The following VSTM4 variants were observed in gnomAD, a reference collection of about 807,000 sequenced individuals.
VSTM4 encodes V-set and transmembrane domain-containing protein 4.
In VSTM4, 20 loss-of-function variants were observed where a neutral mutation model predicts 36.4. That is an observed-to-expected ratio of 0.55 (90% CI 0.39 to 0.80). VSTM4 has a LOEUF of 0.80. VSTM4 is among the 30% of genes least tolerant of loss of function. The pLI is 0.00. For missense variants in VSTM4, 392 were observed against 404.5 expected (o/e 0.97, Z 0.26); for synonymous variants, 182 against 173.9 (o/e 1.05, Z -0.37).
intron 2 of VSTM4, among the ~76,000 whole-genome samples, chr10:49,098,638 TG>T (rs1254986504): frequency 1.3e-5 from 2 of 152,234 alleles, no homozygotes; most frequent in Non-Finnish European, 2.9e-5. Flanking sequence ...TGGCATGAGC[TG>T]CAGTGCCTGT....
At chr10:49,067,487 T>C (rs56027486) in intron 4 of VSTM4, among the ~76,000 whole-genome samples, 27,297 of 152,190 alleles carry the variant, frequency 0.18, 2,765 homozygotes, top group Non-Finnish European at 0.23. Context: ...AAAGAGGTAA[T>C]TAAGTTAAAA....
intron 5 of VSTM4, among the ~76,000 whole-genome samples, chr10:49,056,003 G>A (rs891788549): frequency 2.0e-5 from 3 of 152,244 alleles, no homozygotes; most frequent in Non-Finnish European, 2.9e-5. Context: ...AGACCCTTGC[G>A]GGTTGCAAAG....
intron 2 of VSTM4, among the ~76,000 whole-genome samples, chr10:49,095,614 C>G (rs1844556245): frequency 6.6e-6 from 1 of 152,204 alleles, no homozygotes; most frequent in Admixed American, 6.5e-5. Flanking sequence ...CAGCCCAGGG[C>G]TGTCTGCTGA....
chr10:49,108,310 G>A (rs1844828464), intron 1 of VSTM4, among the ~76,000 whole-genome samples: 1 of 152,232 alleles, frequency 6.6e-6, no homozygotes, highest in Admixed American at 6.5e-5. Flanking sequence ...TCATGTAAAA[G>A]ATTTAGATTT....
At chr10:49,024,014 A>C (rs990593693) in intron 7 of VSTM4, among the ~76,000 whole-genome samples, 5 of 152,184 alleles carry the variant, frequency 3.3e-5, no homozygotes, top group African/African-American at 1.2e-4. Flanking sequence ...AGAGTGAACC[A>C]ACTGCTGCTG....
intron 7 of VSTM4, among the ~76,000 whole-genome samples, chr10:49,032,048 C>A (rs1409164762): frequency 3.9e-5 from 6 of 152,106 alleles, no homozygotes; most frequent in Admixed American, 2.0e-4. Flanking sequence ...CAGCCCCCCA[C>A]CCCCAGCTCC....
At chr10:49,087,373 T>C (rs1590119573) in intron 2 of VSTM4, among the ~76,000 whole-genome samples, 1 of 152,324 alleles carries the variant, frequency 6.6e-6, no homozygotes, top group Non-Finnish European at 1.5e-5. Flanking sequence ...CTTTCTGTTA[T>C]CTGTTTTTGC....
intron 4 of VSTM4, among the ~76,000 whole-genome samples, chr10:49,073,833 C>T (rs1269415358): frequency 2.6e-5 from 4 of 152,290 alleles, no homozygotes; most frequent in South Asian, 2.1e-4. Context: ...AAGAGGAAAC[C>T]CATTCATGAG....
chr10:49,026,720 G>C (rs1032312643), intron 7 of VSTM4, among the ~76,000 whole-genome samples: 1 of 152,236 alleles, frequency 6.6e-6, no homozygotes, highest in Admixed American at 6.5e-5. Flanking sequence ...ACAGGGGCAG[G>C]GCTGGGCCAG....
intron 3 of VSTM4, among the ~76,000 whole-genome samples, chr10:49,079,821 T>C (rs1844246495): frequency 6.6e-6 from 1 of 152,144 alleles, no homozygotes; most frequent in Non-Finnish European, 1.5e-5. Flanking sequence ...AAAAAAGCCA[T>C]CGGCCATCCT....
rs1844979064 is a variant in VSTM4, at chr10:49,115,449, C to T, written c.37G>A (p.Ala13Thr). Reference sequence around the variant, plus strand: ...CGCTTACCCGGAGCCGGAGCCCGCGCCAGCAGCGCGGCCGCCGCCAGTGCC... The same window carrying T: ...CGCTTACCCGGAGCCGGAGCCCGCGTCAGCAGCGCGGCCGCCGCCAGTGCC... ...LLALAAAALL[A>T]RAPAPEVCAA... The change falls in exon 1 of 8, where the codon GCG becomes ACG. Residue 13 changes from alanine to threonine, a missense_variant. By Grantham distance (58) the Ala-to-Thr change is moderately conservative. Transcript: ENST00000332853. 1 of 1,043,494 alleles carries T rather than the reference C, an allele frequency of 9.6e-7. No individual in the cohort carries two copies. Among genetic ancestry groups the T allele is most frequent in the Non-Finnish European group, 1.2e-6 (1 of 862,306 alleles). 64.6% of individuals were successfully genotyped at this position (1,043,494 alleles called of 1,614,324 possible). A position where few individuals can be genotyped will look rare whatever the true frequency, so the allele number is the denominator to read the frequency against.
chr10:49,103,718 A>AC (rs1844711256), intron 2 of VSTM4: 2 of 1,610,940 alleles, frequency 1.2e-6, no homozygotes, highest in African/African-American at 2.7e-5. Context: ...GTTTCCAGTG[A>AC]AAGACAAGCA....
At chr10:49,103,581 T>C in intron 2 of VSTM4, 1 of 1,421,844 alleles carries the variant, frequency 7.0e-7, no homozygotes. Flanking sequence ...CCAACACTCC[T>C]ATGGCTCTTC....
chr10:49,070,356 T>C (rs1226989914), intron 4 of VSTM4, among the ~76,000 whole-genome samples: 1 of 151,946 alleles, frequency 6.6e-6, no homozygotes, highest in Non-Finnish European at 1.5e-5. Context: ...GTGGGTTAAG[T>C]AAAAATATTA....
chr10:49,106,176 T>C (rs1844778977), intron 2 of VSTM4, among the ~76,000 whole-genome samples: 1 of 152,232 alleles, frequency 6.6e-6, no homozygotes. Flanking sequence ...CTTATTCATA[T>C]AGGACATTAA....
chr10:49,051,319 A>T (rs1273329277), intron 5 of VSTM4, among the ~76,000 whole-genome samples: 1 of 150,914 alleles, frequency 6.6e-6, no homozygotes, highest in Non-Finnish European at 1.5e-5. Flanking sequence ...GCCTTTTCAG[A>T]TTGGCCTCTT....
At chr10:49,109,112 G>A (rs1844846402) in intron 1 of VSTM4, among the ~76,000 whole-genome samples, 3 of 152,058 alleles carry the variant, frequency 2.0e-5, no homozygotes, top group Non-Finnish European at 4.4e-5. Flanking sequence ...ACTCCAGGAA[G>A]CCATTCGCCT....
intron 2 of VSTM4, among the ~76,000 whole-genome samples, chr10:49,096,393 A>G (rs1844570086): frequency 6.6e-6 from 1 of 152,178 alleles, no homozygotes; most frequent in African/African-American, 2.4e-5. Flanking sequence ...TTACTTACAT[A>G]ATGTTAAGTC....
At chr10:49,022,446 C>T (rs569198661) in intron 7 of VSTM4, among the ~76,000 whole-genome samples, 1 of 152,086 alleles carries the variant, frequency 6.6e-6, no homozygotes, top group East Asian at 1.9e-4. Context: ...CAAAAAGGCA[C>T]GGGAAGTAAT....
Sources: allele counts gnomAD v4.1 joint callset (sites outside exome capture counted in the v4.1 genomes callset), GRCh38; gene constraint gnomAD v4.1.1; transcripts MANE v1.5; gene names NCBI Gene and HGNC (gene_info 2026-07-23, HGNC 2026-07-21).